The following WIPI1 variants were observed in gnomAD, a reference collection of about 807,000 sequenced individuals.
The protein encoded by WIPI1 is WD repeat domain, phosphoinositide interacting 1.
Under a neutral mutation model 55.3 loss-of-function variants are expected in WIPI1, and 45 were observed. The observed-to-expected ratio is 0.81, with a 90% CI of 0.64 to 1.04. The LOEUF is 1.04. Ranked by LOEUF, WIPI1 falls within the 50% of genes least tolerant of loss-of-function variation. The pLI is 0.00. For missense variants in WIPI1, 445 were observed against 559.0 expected (o/e 0.80, Z 2.06); for synonymous variants, 195 against 217.6 (o/e 0.90, Z 0.92).
At chr17:68,424,762 A>G (rs2083045797) in intron 12 of WIPI1, among the ~76,000 whole-genome samples, 1 of 152,180 alleles carries the variant, frequency 6.6e-6, no homozygotes, top group Non-Finnish European at 1.5e-5. Context: ...CTGTAATTGC[A>G]GCTACTCGGG....
intron 7 of WIPI1, among the ~76,000 whole-genome samples, 183 bp downstream of exon 7, chr17:68,434,373 G>A (rs2287301): frequency 0.26 from 40,286 of 152,096 alleles, 5,990 homozygotes; most frequent in Middle Eastern, 0.35. Context: ...ACAGCATCTC[G>A]GCTTTCAGTT....
chr17:68,441,848 G>A (rs2084092267), intron 4 of WIPI1, among the ~76,000 whole-genome samples: 1 of 152,134 alleles, frequency 6.6e-6, no homozygotes, highest in Non-Finnish European at 1.5e-5. Flanking sequence ...AAAACACCTT[G>A]GGCTATATCT....
chr17:68,444,150 C>T (rs191249229), intron 4 of WIPI1, among the ~76,000 whole-genome samples: 135 of 152,274 alleles, frequency 8.9e-4, no homozygotes, highest in African/African-American at 3.0e-3. Context: ...CTGTACTGAA[C>T]GAACCACAAA....
intron 11 of WIPI1, 116 bp downstream of exon 11, chr17:68,427,019 G>A (rs1466181029): frequency 1.2e-6 from 1 of 823,634 alleles, no homozygotes; most frequent in Non-Finnish European, 2.0e-6. Flanking sequence ...GGGAAGGGGA[G>A]GGAGGGCACT....
chr17:68,436,107 A>T (rs1472464527), intron 5 of WIPI1, among the ~76,000 whole-genome samples: 1 of 152,268 alleles, frequency 6.6e-6, no homozygotes, highest in Non-Finnish European at 1.5e-5. Context: ...GGCATGGGAC[A>T]GGGTGACACA....
intron 8 of WIPI1, among the ~76,000 whole-genome samples, chr17:68,430,528 T>C (rs1207837773): frequency 6.6e-6 from 1 of 152,190 alleles, no homozygotes. Context: ...AGCTTGGGAC[T>C]GTGCCGGGCT....
At chr17:68,437,736 T>G (rs908942003) in intron 4 of WIPI1, among the ~76,000 whole-genome samples, 9 of 151,902 alleles carry the variant, frequency 5.9e-5, no homozygotes, top group Middle Eastern at 3.2e-3. Context: ...TCAATAATAT[T>G]CCGGAAGAGT....
intron 2 of WIPI1, 123 bp downstream of exon 2, chr17:68,452,787 A>T: frequency 1.4e-6 from 1 of 728,524 alleles, no homozygotes. Context: ...AAAAATCTTG[A>T]CTCCCTAAGT....
chr17:68,421,827 A>G lies in WIPI1; in HGVS notation c.1294-7T>C. 1 of 1,614,174 alleles carries G rather than the reference A, an allele frequency of 6.2e-7. No individual in the cohort carries two copies. Among genetic ancestry groups the G allele is most frequent in the African/African-American group, 1.3e-5 (1 of 75,036 alleles). ...TTCCACGGCACAAGATTATCTACCA[A>G]AATCAAAACAGAATGGCCTTACTCT... On this transcript the variant is annotated splice_polypyrimidine_tract_variant and splice_region_variant and intron_variant, in intron 12 of 12. Coordinates refer to ENST00000262139, the MANE Select transcript of WIPI1 (RefSeq NM_017983.7).
chr17:68,456,107 G>A (rs2084639072), intron 1 of WIPI1, among the ~76,000 whole-genome samples: 1 of 152,204 alleles, frequency 6.6e-6, no homozygotes, highest in Non-Finnish European at 1.5e-5. Context: ...TATGTGTTAT[G>A]GGTATTGGGT....
In WIPI1 at chr17:68,424,657, C is replaced by G. The variant is rs565399243; in HGVS notation, c.1293+1418G>C. 26 of 374,308 alleles carry G rather than the reference C, an allele frequency of 6.9e-5. No individual in the cohort carries two copies. The East Asian group carries it at 1.8e-3, about 26-fold the overall frequency. 23.2% of individuals were successfully genotyped at this position (374,308 alleles called of 1,614,324 possible). A position where few individuals can be genotyped will look rare whatever the true frequency, so the allele number is the denominator to read the frequency against. On this transcript the variant is annotated intron_variant, in intron 12 of 12. Transcript: ENST00000262139. ...TTGGGAGGCCGAGACGAGTGGATCA[C>G]TTGAGGTCAGGAGTTTGAGACCAGC...
intron 7 of WIPI1, 63 bp from the exon 8 acceptor site, chr17:68,433,638 C>CAA (rs1244142819): frequency 5.2e-6 from 7 of 1,343,932 alleles, no homozygotes; most frequent in Non-Finnish European, 7.4e-6. Flanking sequence ...CCTTATAACT[C>CAA]AGAGATCAGC....
At chr17:68,457,226 G>C (rs1600397125) in intron 1 of WIPI1, 116 bp downstream of exon 1, 2 of 1,263,312 alleles carry the variant, frequency 1.6e-6, no homozygotes, top group South Asian at 1.3e-5. Context: ...AGCAGACACC[G>C]GCCCTCCCGC....
rs1239366987 is a variant in WIPI1, at chr17:68,427,128, C to T, written c.1192+7G>A. 6.2e-7 allele frequency: 1 copy of T among 1,612,180 alleles called. No homozygotes were observed. The highest frequency in any genetic ancestry group is 1.7e-5 in the Admixed American group (1 of 59,996). On this transcript the variant is annotated splice_region_variant and intron_variant, in intron 11 of 12. Transcript: ENST00000262139. ...GATGCTCCCCTGTTGGCCCCGTGTC[C>T]ACCCACCTGGCACCGTGGAGGCTGA... is the stretch of plus-strand genomic sequence containing the variant.
chr17:68,454,179 C>T (rs1407784010), intron 1 of WIPI1, among the ~76,000 whole-genome samples: 1 of 152,170 alleles, frequency 6.6e-6, no homozygotes, highest in Non-Finnish European at 1.5e-5. Flanking sequence ...CAACTTTGTT[C>T]AGCAGCTGGG....
At chr17:68,454,121 C>G (rs539697126) in intron 1 of WIPI1, among the ~76,000 whole-genome samples, 2 of 152,194 alleles carry the variant, frequency 1.3e-5, no homozygotes, top group Non-Finnish European at 1.5e-5. Context: ...AAAGACAGGA[C>G]GTGAATCCAG....
chr17:68,426,242 T>TA, intron 11 of WIPI1, 67 bp from the exon 12 acceptor site: 3 of 669,002 alleles, frequency 4.5e-6, no homozygotes, highest in Non-Finnish European at 6.6e-6. Context: ...ACCTGGCGGG[T>TA]GGGGAGCGGG....
At chr17:68,429,658 G>A (rs890341904) in intron 9 of WIPI1, among the ~76,000 whole-genome samples, 8 of 151,930 alleles carry the variant, frequency 5.3e-5, no homozygotes, top group Non-Finnish European at 8.8e-5. Context: ...GCATGATCTC[G>A]GCTCACTGCA....
In WIPI1 at chr17:68,426,247, AGC is replaced by A; in HGVS notation, c.1193-74_1193-73del. On this transcript the variant is annotated intron_variant, in intron 11 of 12. Coordinates refer to ENST00000262139, the MANE Select transcript of WIPI1 (RefSeq NM_017983.7). ...TTATGCCATGACCTGGCGGGTGGGG[AGC>A]GGGGGCTCAAATAAAGGGCAAAGGA... is the stretch of plus-strand genomic sequence containing the variant. 2.8e-5 allele frequency: 19 copies of A among 668,416 alleles called. 3 individuals are homozygous for A. Among genetic ancestry groups the A allele is most frequent in the South Asian group, 7.0e-5 (4 of 57,468 alleles). The allele number at this position is 668,416 out of a possible 1,614,324, so 41.4% of individuals were successfully genotyped here.
Sources: allele counts gnomAD v4.1 joint callset (sites outside exome capture counted in the v4.1 genomes callset), GRCh38; gene constraint gnomAD v4.1.1; transcripts MANE v1.5; gene names NCBI Gene and HGNC (gene_info 2026-07-23, HGNC 2026-07-21).